Variants in UBASH3B observed in about 807,000 individuals in gnomAD.
UBASH3B encodes the protein ubiquitin associated and SH3 domain containing B.
In UBASH3B, 37 loss-of-function variants were observed where a neutral mutation model predicts 83.4. The observed-to-expected ratio is 0.44, with a 90% CI of 0.34 to 0.58. The LOEUF is 0.58. UBASH3B is among the 20% of genes least tolerant of loss of function. UBASH3B has a pLI of 0.01. For synonymous variants in UBASH3B, 304 were observed against 318.3 expected (o/e 0.96, Z 0.48); for missense variants, 657 against 827.2 (o/e 0.79, Z 2.52).
intron 1 of UBASH3B, among the ~76,000 whole-genome samples, chr11:122,717,245 G>A (rs80302457): frequency 0.015 from 2,243 of 152,248 alleles, 65 homozygotes; most frequent in African/African-American, 0.05. Context: ...CCCACCTAAG[G>A]CCTTCCTTCC....
intron 11 of UBASH3B, among the ~76,000 whole-genome samples, chr11:122,804,488 C>T (rs1385522362): frequency 6.6e-6 from 1 of 152,032 alleles, no homozygotes; most frequent in Non-Finnish European, 1.5e-5. Context: ...AGAGGATCGG[C>T]TCACAGGCCA....
In UBASH3B at chr11:122,801,337, G is replaced by A. The variant is rs374701882; in HGVS notation, c.1595+5G>A. 3.1e-6 allele frequency: 5 copies of A among 1,613,392 alleles called. No homozygotes were observed. The highest frequency in any genetic ancestry group is 4.2e-6 in the Non-Finnish European group (5 of 1,179,970). On this transcript the variant is annotated splice_donor_5th_base_variant and intron_variant, in intron 11 of 13. Transcript: ENST00000284273. ...GAGTGTTGATACAACCTACAGGTAA[G>A]CCTCGGAAACTGCTGCTTACTGAGG...
intron 6 of UBASH3B, among the ~76,000 whole-genome samples, chr11:122,790,728 C>T (rs985259138): frequency 6.6e-6 from 1 of 151,962 alleles, no homozygotes; most frequent in African/African-American, 2.4e-5. Flanking sequence ...GGGTGGATCA[C>T]TTGAGGTCAG....
At chr11:122,675,878 AGAGT>A (rs1230018268) in intron 1 of UBASH3B, among the ~76,000 whole-genome samples, 1 of 152,206 alleles carries the variant, frequency 6.6e-6, no homozygotes, top group Non-Finnish European at 1.5e-5. Context: ...AAATAGAGAG[AGAGT>A]GAGAGCTTAC....
chr11:122,777,269 T>G (rs1343996910), intron 3 of UBASH3B, 59 bp downstream of exon 3: 8 of 1,538,306 alleles, frequency 5.2e-6, no homozygotes, highest in Non-Finnish European at 1.8e-6. Context: ...AGCCGGCCCT[T>G]TGGGACCTGG....
intron 1 of UBASH3B, among the ~76,000 whole-genome samples, chr11:122,715,047 G>A (rs1023685394): frequency 1.3e-5 from 2 of 152,122 alleles, no homozygotes; most frequent in African/African-American, 4.8e-5. Flanking sequence ...CCGGGTTCAC[G>A]CCATTCTCCT....
chr11:122,670,658 G>C (rs1436235912), intron 1 of UBASH3B, among the ~76,000 whole-genome samples: 1 of 152,114 alleles, frequency 6.6e-6, no homozygotes, highest in African/African-American at 2.4e-5. Context: ...AGGGGACTCT[G>C]GGTATGTTAA....
intron 1 of UBASH3B, among the ~76,000 whole-genome samples, chr11:122,740,246 C>T (rs997413237): frequency 6.6e-6 from 1 of 152,182 alleles, no homozygotes; most frequent in African/African-American, 2.4e-5. Flanking sequence ...AACTGGCTAT[C>T]ATGCAGGTGG....
chr11:122,752,596 G>A (rs1056688387), intron 1 of UBASH3B, among the ~76,000 whole-genome samples: 2 of 152,202 alleles, frequency 1.3e-5, no homozygotes, highest in African/African-American at 4.8e-5. Flanking sequence ...GTTTGGTCTT[G>A]ATCTTACGGG....
chr11:122,771,132 T>A (rs1023326750), intron 1 of UBASH3B, among the ~76,000 whole-genome samples: 1 of 152,226 alleles, frequency 6.6e-6, no homozygotes, highest in African/African-American at 2.4e-5. Flanking sequence ...TTCCTGCACA[T>A]GCAGTGCTGT....
At chr11:122,751,376 A>G (rs1861196542) in intron 1 of UBASH3B, among the ~76,000 whole-genome samples, 1 of 151,890 alleles carries the variant, frequency 6.6e-6, no homozygotes, top group Non-Finnish European at 1.5e-5. Context: ...GGTGTGTCAC[A>G]CTCCTTCTCT....
chr11:122,674,424 A>C (rs189623391), intron 1 of UBASH3B, among the ~76,000 whole-genome samples: 1,568 of 138,054 alleles, frequency 0.011, 22 homozygotes, highest in Non-Finnish European at 0.014. Flanking sequence ...TCTGTTGCTG[A>C]GGCTGGAGTG....
chr11:122,720,409 C>A (rs900352868), intron 1 of UBASH3B, among the ~76,000 whole-genome samples: 1 of 152,214 alleles, frequency 6.6e-6, no homozygotes, highest in Admixed American at 6.5e-5. Flanking sequence ...AAACTGGTCT[C>A]CCTGTTTTGG....
chr11:122,694,595 G>A (rs1233349451), intron 1 of UBASH3B, among the ~76,000 whole-genome samples: 1 of 152,142 alleles, frequency 6.6e-6, no homozygotes, highest in Non-Finnish European at 1.5e-5. Context: ...AGGAAGGAAG[G>A]AAGGAAGTTA....
intron 1 of UBASH3B, among the ~76,000 whole-genome samples, chr11:122,724,721 G>C (rs1461330109): frequency 6.6e-6 from 1 of 152,102 alleles, no homozygotes; most frequent in Non-Finnish European, 1.5e-5. Flanking sequence ...AGCACACACA[G>C]GGCCACAGAG....
intron 1 of UBASH3B, among the ~76,000 whole-genome samples, chr11:122,686,810 C>T (rs1298150066): frequency 6.6e-6 from 1 of 152,126 alleles, no homozygotes. Context: ...CAGCTTATCT[C>T]AGACAAATCA....
At chr11:122,790,342 C>G (rs73617921) in intron 6 of UBASH3B, among the ~76,000 whole-genome samples, 43 of 152,282 alleles carry the variant, frequency 2.8e-4, no homozygotes, top group South Asian at 1.0e-3. Flanking sequence ...ATCCCTCCCC[C>G]TCTCCCTCAC....
intron 1 of UBASH3B, among the ~76,000 whole-genome samples, chr11:122,772,667 CT>C (rs1212544027): frequency 6.6e-6 from 1 of 152,144 alleles, no homozygotes; most frequent in Non-Finnish European, 1.5e-5. Context: ...ATCCTCCAAG[CT>C]GAGGGCAGAA....
intron 1 of UBASH3B, among the ~76,000 whole-genome samples, chr11:122,657,485 T>C (rs11218740): frequency 0.34 from 51,538 of 151,746 alleles, 9,007 homozygotes; most frequent in Non-Finnish European, 0.38. Context: ...GATGGGGTTC[T>C]GCCATGTTGG....
Sources: allele counts gnomAD v4.1 joint callset (sites outside exome capture counted in the v4.1 genomes callset), GRCh38; gene constraint gnomAD v4.1.1; transcripts MANE v1.5; gene names NCBI Gene and HGNC (gene_info 2026-07-23, HGNC 2026-07-21).